The following BBX variants were observed in gnomAD, a reference collection of about 807,000 sequenced individuals.
BBX encodes the protein BBX high mobility group box domain containing, also known as HMG box transcription factor BBX.
Under a neutral mutation model 100.2 loss-of-function variants are expected in BBX, and 30 were observed. That is an observed-to-expected ratio of 0.30 (90% CI 0.22 to 0.41). BBX has a LOEUF of 0.41. Ranked by LOEUF, BBX falls within the 10% of genes least tolerant of loss-of-function variation. The probability of loss-of-function intolerance (pLI) is 1.00; values close to 1 mark genes in which losing one functional copy is unlikely to be tolerated. For synonymous variants in BBX, 376 were observed against 388.1 expected (o/e 0.97, Z 0.37); for missense variants, 1,023 against 1,129.8 (o/e 0.91, Z 1.35).
chr3:107,714,157 G>A (rs964050457), intron 4 of BBX, among the ~76,000 whole-genome samples: 3 of 151,412 alleles, frequency 2.0e-5, no homozygotes, highest in Non-Finnish European at 4.4e-5. Context: ...TGTGTTTGTA[G>A]TAGAGACTGG....
chr3:107,794,704 C>T (rs922307351), intron 15 of BBX, among the ~76,000 whole-genome samples: 5 of 152,186 alleles, frequency 3.3e-5, no homozygotes, highest in Admixed American at 6.5e-5. Context: ...TGTTTCAGCT[C>T]ATGGGAGACC....
chr3:107,541,393 C>T (rs957971017), intron 2 of BBX, among the ~76,000 whole-genome samples: 12 of 152,004 alleles, frequency 7.9e-5, no homozygotes, highest in African/African-American at 9.7e-5. Flanking sequence ...GAAGAAAATC[C>T]GGTGCTAATT....
intron 2 of BBX, among the ~76,000 whole-genome samples, chr3:107,597,671 T>C (rs1424472395): frequency 6.6e-6 from 1 of 152,230 alleles, no homozygotes; most frequent in South Asian, 2.1e-4. Context: ...TTATTTTTGA[T>C]GATTTAATGA....
At chr3:107,606,281 C>T (rs2054431614) in intron 2 of BBX, among the ~76,000 whole-genome samples, 2 of 152,172 alleles carry the variant, frequency 1.3e-5, no homozygotes, top group Admixed American at 6.5e-5. Flanking sequence ...TAATTATGTT[C>T]ACTATATTGT....
intron 3 of BBX, among the ~76,000 whole-genome samples, chr3:107,679,270 C>T (rs919564341): frequency 6.6e-6 from 1 of 152,118 alleles, no homozygotes; most frequent in East Asian, 1.9e-4. Flanking sequence ...TTATGTTTGA[C>T]ACCGTACATA....
intron 3 of BBX, among the ~76,000 whole-genome samples, chr3:107,660,655 T>C (rs1648886): frequency 6.6e-6 from 1 of 152,126 alleles, no homozygotes. Context: ...CACAGTTGAA[T>C]AGAAATTTCT....
intron 2 of BBX, among the ~76,000 whole-genome samples, chr3:107,606,392 G>C (rs536380146): frequency 1.3e-5 from 2 of 152,322 alleles, no homozygotes; most frequent in South Asian, 4.1e-4. Context: ...TAGTCAATCA[G>C]ACTGGGCTAT....
rs1266639958 is a variant in BBX, at chr3:107,583,949, ATTATATTATATATAT to A, written c.-84+57553_-84+57567del. 6.8e-5 allele frequency among the ~76,000 whole-genome samples: 5 copies of A among 73,610 alleles called. No individual in the cohort carries two copies. The Admixed American group carries it at 9.0e-4, about 13-fold the overall frequency. The allele number at this position is 73,610 out of a possible 152,430, so 48.3% of individuals were successfully genotyped here. A position where few individuals can be genotyped will look rare whatever the true frequency, so the allele number is the denominator to read the frequency against. On this transcript the variant is annotated intron_variant, in intron 2 of 17. Transcript: ENST00000325805. ...ATATAATATATATATTATATATATTATTATATTATATATATTATATATATTATTATATTATTATAT... is the reference window on the plus strand; with the variant it reads ...ATATAATATATATATTATATATATTATATATATATTATTATATTATTATAT...
At chr3:107,556,353 TTTTG>T (rs1291992312) in intron 2 of BBX, among the ~76,000 whole-genome samples, 2 of 152,222 alleles carry the variant, frequency 1.3e-5, no homozygotes, top group Admixed American at 6.5e-5. Context: ...TATGTGTGTA[TTTTG>T]TTTATTTAAT....
intron 2 of BBX, among the ~76,000 whole-genome samples, chr3:107,531,566 GC>G (rs1178691376): frequency 3.2e-4 from 48 of 151,512 alleles, no homozygotes; most frequent in Non-Finnish European, 4.4e-5. Context: ...ATTTCTGAAA[GC>G]CTTTTAGTTT....
intron 11 of BBX, 68 bp from the exon 12 acceptor site, chr3:107,774,651 A>G: frequency 6.5e-7 from 1 of 1,527,772 alleles, no homozygotes; most frequent in East Asian, 2.3e-5. Context: ...TTGCTCGTGA[A>G]GCAACTAACA....
chr3:107,732,896 C>G, intron 6 of BBX, 60 bp from the exon 7 acceptor site: 7 of 1,361,234 alleles, frequency 5.1e-6, no homozygotes, highest in African/African-American at 1.4e-5. Flanking sequence ...TTCTTTTTGA[C>G]TCTGTGGATT....
chr3:107,526,488 T>C (rs1464769271), intron 2 of BBX, 90 bp downstream of exon 2: 5 of 396,762 alleles, frequency 1.3e-5, no homozygotes, highest in Non-Finnish European at 2.2e-5. Context: ...AGATGCTTTA[T>C]TGGGGTTACA....
intron 2 of BBX, among the ~76,000 whole-genome samples, chr3:107,548,087 C>T (rs1409246613): frequency 2.0e-5 from 3 of 152,094 alleles, no homozygotes; most frequent in Non-Finnish European, 4.4e-5. Context: ...TGGGAGGCAT[C>T]GAGGTTTGGA....
chr3:107,707,268 G>A (rs552507994), intron 3 of BBX, among the ~76,000 whole-genome samples: 1 of 152,280 alleles, frequency 6.6e-6, no homozygotes, highest in Non-Finnish European at 1.5e-5. Context: ...TGCCACCTTG[G>A]TCTGTGTGTC....
chr3:107,710,650 T>A, intron 4 of BBX, 28 bp downstream of exon 4: 1 of 1,549,328 alleles, frequency 6.5e-7, no homozygotes, highest in Non-Finnish European at 8.7e-7. Context: ...CATAGAAGTT[T>A]CAAGTTTATT....
chr3:107,650,935 C>T (rs76384348), intron 3 of BBX, among the ~76,000 whole-genome samples: 1,889 of 152,254 alleles, frequency 0.012, 14 homozygotes, highest in Non-Finnish European at 0.018. Flanking sequence ...TGGCTTGTAC[C>T]ACCAGAAAGG....
At chr3:107,741,452 A>T (rs1265903546) in intron 7 of BBX, among the ~76,000 whole-genome samples, 1 of 152,186 alleles carries the variant, frequency 6.6e-6, no homozygotes, top group African/African-American at 2.4e-5. Context: ...CTTAACAAAA[A>T]TCCCGTTAGC....
At chr3:107,708,395 G>T (rs2061509839) in intron 3 of BBX, among the ~76,000 whole-genome samples, 1 of 151,980 alleles carries the variant, frequency 6.6e-6, no homozygotes, top group Non-Finnish European at 1.5e-5. Flanking sequence ...ATTAATGAAG[G>T]CCGGGCGTGG....
Sources: allele counts gnomAD v4.1 joint callset (sites outside exome capture counted in the v4.1 genomes callset), GRCh38; gene constraint gnomAD v4.1.1; transcripts MANE v1.5; gene names NCBI Gene and HGNC (gene_info 2026-07-23, HGNC 2026-07-21).